GPRC5C: variants seen among roughly 807,000 people sequenced by gnomAD.
The protein encoded by GPRC5C is G protein-coupled receptor family C group 5 member C.
In GPRC5C, 22 loss-of-function variants were observed where a neutral mutation model predicts 31.4. The observed-to-expected ratio is 0.70, with a 90% CI of 0.50 to 1.00. GPRC5C has a LOEUF of 1.00. GPRC5C is among the 50% of genes least tolerant of loss of function. The pLI, the probability that GPRC5C is intolerant of heterozygous loss-of-function variation, is 0.00. For missense variants in GPRC5C, 557 were observed against 597.2 expected, an observed-to-expected ratio of 0.93 and a Z score of 0.70; for synonymous variants, 249 against 257.5, an observed-to-expected ratio of 0.97 and a Z score of 0.32.
In GPRC5C at chr17:74,443,852, T is replaced by C. The variant is rs753374995; in HGVS notation, c.1086T>C (p.Asn362=). The change falls in exon 3 of 4, where the codon AAT becomes AAC. Residue 362 remains asparagine, a synonymous_variant. Coordinates refer to ENST00000392627, the MANE Select transcript of GPRC5C (RefSeq NM_022036.4). Reference sequence around the variant, plus strand: ...CGGTGTCACCATACAGCGGGTACAATGGGCAGCTGCTGACCAGTGTGTACC... The same window carrying C: ...CGGTGTCACCATACAGCGGGTACAACGGGCAGCTGCTGACCAGTGTGTACC... ...KRPVSPYSGY[N]GQLLTSVYQP... is the part of the protein sequence containing the mutation. 5.6e-6 allele frequency: 9 copies of C among 1,613,550 alleles called. No homozygotes were observed. The East Asian group carries it at 2.0e-4, about 36-fold the overall frequency.
intron 2 of GPRC5C, chr17:74,443,560 G>A: frequency 4.7e-6 from 3 of 633,586 alleles, no homozygotes; most frequent in South Asian, 4.6e-5. Flanking sequence ...AGGGGCTGGG[G>A]TGTCTACAGT....
At chr17:74,444,547 G>A (rs2670825) in intron 3 of GPRC5C, among the ~76,000 whole-genome samples, 40,739 of 152,050 alleles carry the variant, frequency 0.27, 10,107 homozygotes, top group African/African-American at 0.66. Flanking sequence ...TCAGTGACCC[G>A]TCTTGGCAGG....
chr17:74,445,981 A>C, intron 3 of GPRC5C: 1 of 27,322 alleles, frequency 3.7e-5, no homozygotes, highest in Non-Finnish European at 7.9e-5. Flanking sequence ...CAACGTAGTG[A>C]GACCCCCCCC....
At position 74,447,313 on chromosome 17, in the gene GPRC5C, GC is replaced by G. The variant is rs1305365977; in HGVS notation, c.*287del. On this transcript the variant is annotated 3_prime_UTR_variant, in exon 4 of 4. Transcript: ENST00000392627. ...GTTCTCGGGGTGGTGGCTGGGCAGC[GC>G]CTATGTTTCTCTGGAGATTCCTGCA... The G allele has an allele frequency of 8.5e-7, 1 of 1,170,322 alleles. No individual in the cohort carries two copies. The highest frequency in any genetic ancestry group is 1.6e-5 in the African/African-American group (1 of 63,552). 72.5% of individuals were successfully genotyped at this position (1,170,322 alleles called of 1,614,324 possible).
intron 1 of GPRC5C, among the ~76,000 whole-genome samples, chr17:74,438,252 T>TA (rs1250000838): frequency 7.4e-5 from 8 of 107,678 alleles, no homozygotes; most frequent in African/African-American, 3.2e-4. Context: ...TATATATATA[T>TA]TTGTTGTTGT....
downstream of GPRC5C, chr17:74,448,911 C>T: frequency 1.6e-6 from 2 of 1,289,006 alleles, no homozygotes; most frequent in East Asian, 1.1e-4. Flanking sequence ...CGTGGCCCAC[C>T]CTGGGTAAGC....
chr17:74,446,676 A>G, intron 3 of GPRC5C, 173 bp from the exon 4 acceptor site: 1 of 587,394 alleles, frequency 1.7e-6, no homozygotes, highest in Non-Finnish European at 3.0e-6. Context: ...TAAGGGGCTC[A>G]GGTCTGGCTG....
At chr17:74,441,224 C>A (rs1303251534) in intron 2 of GPRC5C, among the ~76,000 whole-genome samples, 1 of 151,836 alleles carries the variant, frequency 6.6e-6, no homozygotes, top group African/African-American at 2.4e-5. Flanking sequence ...TTGCAGTGAG[C>A]CAAAATCGAG....
chr17:74,433,751 G>A (rs763692062), intron 1 of GPRC5C: 1 of 1,612,340 alleles, frequency 6.2e-7, no homozygotes, highest in Non-Finnish European at 8.5e-7. Flanking sequence ...ACAGCCATTG[G>A]CCATGGGTCA....
At chr17:74,441,808 C>CAA (rs59602459) in intron 2 of GPRC5C, among the ~76,000 whole-genome samples, 1 of 137,318 alleles carries the variant, frequency 7.3e-6, no homozygotes, top group East Asian at 2.1e-4. Flanking sequence ...TGGATGATCT[C>CAA]AAAAAAAAAA....
At chr17:74,437,171 T>C (rs1408538930) in intron 1 of GPRC5C, among the ~76,000 whole-genome samples, 1 of 152,178 alleles carries the variant, frequency 6.6e-6, no homozygotes, top group Non-Finnish European at 1.5e-5. Flanking sequence ...CTGGAACTCC[T>C]GACCTCGTGA....
chr17:74,442,000 T>G (rs1253469487), intron 2 of GPRC5C, among the ~76,000 whole-genome samples: 1 of 152,222 alleles, frequency 6.6e-6, no homozygotes, highest in Non-Finnish European at 1.5e-5. Flanking sequence ...CAGGTAATTT[T>G]TTTCTCTTTT....
At position 74,440,436 on chromosome 17, in the gene GPRC5C, G is replaced by T. The variant is rs1252268992; in HGVS notation, c.660G>T (p.Leu220=). The T allele has an allele frequency of 6.2e-7, 1 of 1,613,930 alleles. No individual in the cohort carries two copies. The highest frequency in any genetic ancestry group is 2.2e-5 in the East Asian group (1 of 44,870). Residue 220 remains leucine (L), a synonymous_variant, in exon 2 of 4, where the codon CTG becomes CTT. Transcript: ENST00000392627. This position sits in a 1 kb window ranked among gnomAD's most constrained non-coding sequence, Gnocchi z 4.4. ...CACTCATCTACGTCATGCTGCTGCT[G>T]CTGGGTGCCTTCCTGGGGGCCTGGC... The part of the protein sequence containing the change: ...VMALIYVMLL[L]LGAFLGAWPA...
intron 2 of GPRC5C, 90 bp from the exon 3 acceptor site, chr17:74,443,728 G>T (rs1334265404): frequency 5.0e-6 from 5 of 1,007,750 alleles, no homozygotes; most frequent in Non-Finnish European, 8.0e-6. Flanking sequence ...CCTCTTCCCT[G>T]CCCCCAGAGA....
Position 74,440,154 on chromosome 17 carries a change from G to A in GPRC5C, c.378G>A (p.Leu126=). 1 of 1,614,204 alleles carries A rather than the reference G, an allele frequency of 6.2e-7. No individual in the cohort carries two copies. The highest frequency in any genetic ancestry group is 1.3e-5 in the African/African-American group (1 of 75,054). The change falls in exon 2 of 4, where the codon CTG becomes CTA. Residue 126 remains leucine (L), a synonymous_variant. Transcript: ENST00000392627. This position sits in a 1 kb window ranked among gnomAD's most constrained non-coding sequence, Gnocchi z 4.4. ...CTCGGCGCTTCCTCTTTGGGGTTCT[G>A]TTCGCCATCTGCTTCTCTTGTCTGG... ...CASRRFLFGV[L]FAICFSCLAA... is the part of the protein sequence containing the mutation.
intron 1 of GPRC5C, among the ~76,000 whole-genome samples, chr17:74,433,079 G>A (rs1297510728): frequency 1.3e-5 from 2 of 151,794 alleles, no homozygotes; most frequent in Non-Finnish European, 2.9e-5. Context: ...ACTCCCGGCT[G>A]GCTTTTCCAG....
chr17:74,448,860 A>G (rs767597870), downstream of GPRC5C: 2 of 1,289,748 alleles, frequency 1.6e-6, no homozygotes, highest in South Asian at 1.2e-5. Flanking sequence ...GCCAACACCA[A>G]CCAGGTTTTC....
At chr17:74,433,645 G>C (rs1368519892) in intron 1 of GPRC5C, 1 of 1,361,806 alleles carries the variant, frequency 7.3e-7, no homozygotes, top group South Asian at 1.2e-5. Flanking sequence ...TTTCCCTATA[G>C]GCTCTTGAGT....
downstream of GPRC5C, chr17:74,449,832 A>G (rs1380311306): frequency 1.3e-5 from 2 of 157,150 alleles, no homozygotes; most frequent in Admixed American, 1.3e-4. Context: ...GATCTCCTCC[A>G]TGAGTCTTTG....
Sources: allele counts gnomAD v4.1 joint callset (sites outside exome capture counted in the v4.1 genomes callset), GRCh38; gene constraint gnomAD v4.1.1; non-coding constraint Gnocchi (gnomAD v3.1); transcripts MANE v1.5; gene names NCBI Gene and HGNC (gene_info 2026-07-23, HGNC 2026-07-21).